Variants in CSMD1 observed in about 807,000 individuals in gnomAD.
CSMD1 encodes CUB and sushi domain-containing protein 1.
In CSMD1, 213 loss-of-function variants were observed where a neutral mutation model predicts 417.5. The observed-to-expected ratio is 0.51, with a 90% CI of 0.46 to 0.57. The LOEUF is 0.57. Ranked by LOEUF, CSMD1 falls within the 20% of genes least tolerant of loss-of-function variation. The pLI is 0.00. For missense variants in CSMD1, 6,923 were observed against 4,529.7 expected, an observed-to-expected ratio of 1.53 and a Z score of -15.17; for synonymous variants, 2,862 against 1,736.8, an observed-to-expected ratio of 1.65 and a Z score of -16.11.
At chr8:2,945,567 T>C (rs1180383094) in intron 68 of CSMD1, among the ~76,000 whole-genome samples, 1 of 152,250 alleles carries the variant, frequency 6.6e-6, no homozygotes, top group East Asian at 1.9e-4. Flanking sequence ...TTTGTACCTT[T>C]TAGTGTTGCT....
intron 41 of CSMD1, among the ~76,000 whole-genome samples, chr8:3,130,009 T>C (rs1314830125): frequency 6.6e-6 from 1 of 152,030 alleles, no homozygotes; most frequent in African/African-American, 2.4e-5. Flanking sequence ...AAGTTAAATG[T>C]TGAATATGGT....
At chr8:3,360,214 A>G (rs1166371290) in intron 20 of CSMD1, among the ~76,000 whole-genome samples, 1 of 152,226 alleles carries the variant, frequency 6.6e-6, no homozygotes, top group Non-Finnish European at 1.5e-5. Context: ...TAAAATTACT[A>G]TAAACCATTC....
intron 5 of CSMD1, among the ~76,000 whole-genome samples, chr8:3,868,822 G>A (rs547435991): frequency 6.6e-6 from 1 of 152,224 alleles, no homozygotes; most frequent in South Asian, 2.1e-4. Context: ...GTGTTTCATG[G>A]CCAATGTGCT....
At chr8:4,815,985 G>T (rs1024483871) in intron 1 of CSMD1, among the ~76,000 whole-genome samples, 2 of 152,068 alleles carry the variant, frequency 1.3e-5, no homozygotes, top group African/African-American at 2.4e-5. Flanking sequence ...AGGCATTCCA[G>T]AAATGAAAAG....
At chr8:4,296,202 T>C (rs1797672163) in intron 3 of CSMD1, among the ~76,000 whole-genome samples, 1 of 152,044 alleles carries the variant, frequency 6.6e-6, no homozygotes, top group Non-Finnish European at 1.5e-5. Context: ...CCTCAACTCA[T>C]CTCCAGCTGG....
chr8:3,804,626 T>C (rs937352244), intron 5 of CSMD1, among the ~76,000 whole-genome samples: 2 of 152,262 alleles, frequency 1.3e-5, no homozygotes, highest in Admixed American at 6.5e-5. Flanking sequence ...AAAATCACTT[T>C]ACGATAAAAT....
intron 2 of CSMD1, among the ~76,000 whole-genome samples, chr8:4,566,916 G>A (rs1248756129): frequency 6.6e-6 from 1 of 152,172 alleles, no homozygotes; most frequent in African/African-American, 2.4e-5. Flanking sequence ...AGTCAATTCA[G>A]GAATGAACTA....
At chr8:4,889,569 C>G (rs1439470140) in intron 1 of CSMD1, among the ~76,000 whole-genome samples, 1 of 151,718 alleles carries the variant, frequency 6.6e-6, no homozygotes, top group African/African-American at 2.4e-5. Context: ...TTTAAACTGT[C>G]TATAAGTGTG....
At chr8:4,859,302 C>T (rs1430393169) in intron 1 of CSMD1, among the ~76,000 whole-genome samples, 9 of 152,120 alleles carry the variant, frequency 5.9e-5, no homozygotes, top group Non-Finnish European at 1.3e-4. Context: ...AGACCTAAAA[C>T]CATAAATAAC....
At chr8:4,134,811 A>G (rs1477122168) in intron 3 of CSMD1, among the ~76,000 whole-genome samples, 4 of 152,166 alleles carry the variant, frequency 2.6e-5, no homozygotes, top group African/African-American at 4.8e-5. Flanking sequence ...TTTTAACACA[A>G]ATTTTGTCCT....
intron 5 of CSMD1, among the ~76,000 whole-genome samples, chr8:3,883,398 G>T (rs558028708): frequency 6.6e-6 from 1 of 152,014 alleles, no homozygotes; most frequent in African/African-American, 2.4e-5. Context: ...TTTAAACTGG[G>T]TGTATGTGTG....
At chr8:2,958,047 G>C (rs1424198437) in intron 62 of CSMD1, among the ~76,000 whole-genome samples, 8 of 152,236 alleles carry the variant, frequency 5.3e-5, no homozygotes, top group African/African-American at 1.9e-4. Flanking sequence ...ACGGCTGTTT[G>C]GGTAAAGAAA....
At chr8:4,182,622 T>A (rs1349925236) in intron 3 of CSMD1, among the ~76,000 whole-genome samples, 1 of 152,156 alleles carries the variant, frequency 6.6e-6, no homozygotes, top group Admixed American at 6.5e-5. Context: ...ACAACAGTGT[T>A]TATCATATAT....
intron 1 of CSMD1, among the ~76,000 whole-genome samples, chr8:4,814,359 C>T (rs886397854): frequency 6.6e-6 from 1 of 152,194 alleles, no homozygotes; most frequent in Non-Finnish European, 1.5e-5. Context: ...AAATCTCCTG[C>T]CTCAGTCTCC....
At chr8:3,308,256 T>G in intron 24 of CSMD1, 56 bp downstream of exon 24, 2 of 1,387,764 alleles carry the variant, frequency 1.4e-6, no homozygotes, top group East Asian at 2.3e-5. Context: ...TGCAACATGG[T>G]GCAAGCACCC....
intron 2 of CSMD1, among the ~76,000 whole-genome samples, chr8:4,521,869 G>C (rs912571065): frequency 6.6e-6 from 1 of 152,174 alleles, no homozygotes; most frequent in Non-Finnish European, 1.5e-5. Flanking sequence ...TTTAGCTCCT[G>C]GGAAAACTGT....
At chr8:4,676,660 A>T (rs1288205243) in intron 1 of CSMD1, among the ~76,000 whole-genome samples, 1 of 152,116 alleles carries the variant, frequency 6.6e-6, no homozygotes, top group Non-Finnish European at 1.5e-5. Context: ...CAAAGGAAAA[A>T]AGAACAATTT....
chr8:4,156,945 T>A (rs1182593102), intron 3 of CSMD1, among the ~76,000 whole-genome samples: 1 of 152,110 alleles, frequency 6.6e-6, no homozygotes, highest in Non-Finnish European at 1.5e-5. Flanking sequence ...ACTTTATCTA[T>A]CCAACCAACT....
chr8:4,244,389 G>C (rs904901832), intron 3 of CSMD1, among the ~76,000 whole-genome samples: 1 of 152,254 alleles, frequency 6.6e-6, no homozygotes, highest in South Asian at 2.1e-4. Context: ...ATGTTTTTAT[G>C]TTAATAGATC....
Sources: allele counts gnomAD v4.1 joint callset (sites outside exome capture counted in the v4.1 genomes callset), GRCh38; gene constraint gnomAD v4.1.1; transcripts MANE v1.5; gene names NCBI Gene and HGNC (gene_info 2026-07-23, HGNC 2026-07-21).